UBE4A: variants seen among roughly 807,000 people sequenced by gnomAD.
UBE4A encodes the protein ubiquitination factor E4A.
A neutral mutation model predicts 117.9 loss-of-function variants in UBE4A; 48 were observed. The ratio of observed to expected loss-of-function variants is 0.41; its 90% CI spans 0.32 to 0.52. UBE4A has a LOEUF of 0.52. Ranked by LOEUF, UBE4A falls within the 20% of genes least tolerant of loss-of-function variation. The pLI is 0.33. For missense variants in UBE4A, 1,067 were observed against 1,296.3 expected, an observed-to-expected ratio of 0.82 and a Z score of 2.72; for synonymous variants, 407 against 450.0, an observed-to-expected ratio of 0.90 and a Z score of 1.21.
At chr11:118,392,641 T>A (rs1302857190) in intron 18 of UBE4A, 97 bp from the exon 19 acceptor site, 32 of 1,260,460 alleles carry the variant, frequency 2.5e-5, no homozygotes, top group Non-Finnish European at 3.4e-5. Context: ...AATGACCTGT[T>A]TTTTTATTTT....
intron 16 of UBE4A, among the ~76,000 whole-genome samples, chr11:118,387,147 C>T (rs1009730495): frequency 6.6e-6 from 1 of 152,156 alleles, no homozygotes; most frequent in Non-Finnish European, 1.5e-5. Flanking sequence ...CTGAAATTAT[C>T]ATTTTTAATG....
At chr11:118,369,600 C>T in intron 4 of UBE4A, 65 bp downstream of exon 4, 1 of 1,098,168 alleles carries the variant, frequency 9.1e-7, no homozygotes, top group Non-Finnish European at 1.4e-6. Flanking sequence ...GAATTCTGCT[C>T]ACTGTTCTCC....
intron 9 of UBE4A, 50 bp downstream of exon 9, chr11:118,375,279 G>T (rs573784983): frequency 1.4e-6 from 2 of 1,449,940 alleles, no homozygotes; most frequent in African/African-American, 1.4e-5. Context: ...TGTGTGTAAC[G>T]TGTAAAGCAT....
intron 1 of UBE4A, among the ~76,000 whole-genome samples, chr11:118,361,737 C>T (rs1054058054): frequency 1.1e-4 from 17 of 152,160 alleles, no homozygotes; most frequent in African/African-American, 3.9e-4. Context: ...CTTGACCTTC[C>T]ACTGCAACCT....
Position 118,386,548 on chromosome 11 carries a change from G to C in UBE4A, c.2523G>C (p.Gln841His). The change falls in exon 16 of 20, where the codon CAG (glutamine) becomes CAC (histidine). Residue 841 changes from glutamine to histidine, a missense_variant. This residue lies in a region of UBE4A where 1,001 missense variants were observed against 1,184.0 expected (regional missense o/e 0.85). Transcript: ENST00000252108. ...AGGCTGGCCTACAGATGTTTGGACA[G>C]CTGGCACGTTTCCATAACATCATGT... ...EKEAGLQMFG[Q>H]LARFHNIMSN... 6.2e-7 allele frequency: 1 copy of C among 1,604,748 alleles called. No individual in the cohort carries two copies. Among genetic ancestry groups the C allele is most frequent in the Non-Finnish European group, 8.5e-7 (1 of 1,176,824 alleles).
At chr11:118,387,295 C>A (rs1244001278) in intron 16 of UBE4A, among the ~76,000 whole-genome samples, 4 of 151,952 alleles carry the variant, frequency 2.6e-5, no homozygotes, top group African/African-American at 9.7e-5. Context: ...AGAGAAGATA[C>A]AGCAGCCACA....
At position 118,382,683 on chromosome 11, in the gene UBE4A, G is replaced by T. The variant is rs782042474; in HGVS notation, c.2104G>T (p.Val702Leu). The stretch of plus-strand genomic sequence containing the variant: ...GACCCCAAATCCCTTGGTATCCAGT[G>T]TGTTCCACCGGAAACGTGTGTTCTG... ...DQTPNPLVSSVFHRKRVFCNF... is the reference protein window; with the variant it reads ...DQTPNPLVSSLFHRKRVFCNF... Residue 702 changes from valine (V) to leucine (L), a missense_variant, in exon 13 of 20, where the codon GTG becomes TTG. By Grantham distance (32) the Val-to-Leu change is conservative (BLOSUM62 1). Coordinates refer to ENST00000252108, the MANE Select transcript of UBE4A (RefSeq NM_001204077.2). 6.2e-7 allele frequency: 1 copy of T among 1,605,844 alleles called. No individual in the cohort carries two copies. The highest frequency in any genetic ancestry group is 8.5e-7 in the Non-Finnish European group (1 of 1,175,700).
chr11:118,378,168 A>G (rs1332028621), intron 10 of UBE4A, among the ~76,000 whole-genome samples: 1 of 148,004 alleles, frequency 6.8e-6, no homozygotes, highest in African/African-American at 2.5e-5. Context: ...AATCGCTTGA[A>G]CCTGGGAGGC....
At position 118,376,616 on chromosome 11, in the gene UBE4A, C is replaced by T. The variant is rs371914326; in HGVS notation, c.1493C>T (p.Pro498Leu). 11 of 1,613,372 alleles carry T rather than the reference C, an allele frequency of 6.8e-6. No homozygotes were observed. The highest frequency in any genetic ancestry group is 6.8e-6 in the Non-Finnish European group (8 of 1,179,898). ...ETCLIPAVQEPKFPQNYNLVT... is the reference protein window; with the variant it reads ...ETCLIPAVQELKFPQNYNLVT... ...TGTTTGATCCCAGCTGTGCAGGAGC[C>T]GAAGTTTCCACAGAACTACAACCTT... The change falls in exon 10 of 20, where the codon CCG becomes CTG. Residue 498 changes from proline to leucine, a missense_variant. Physicochemically the swap from Pro to Leu is moderately conservative, Grantham distance 98 (BLOSUM62 -3). This residue lies in a region of UBE4A where 1,001 missense variants were observed against 1,184.0 expected (regional missense o/e 0.85). Coordinates refer to ENST00000252108, the MANE Select transcript of UBE4A (RefSeq NM_001204077.2).
rs188040570 is a variant in UBE4A at position 118,360,400 on chromosome 11, T to C, written c.-42+726T>C. Among the ~76,000 whole-genome samples, 360 of 152,302 alleles carry C rather than the reference T, an allele frequency of 2.4e-3. 2 individuals are homozygous for C. In the Middle Eastern group the frequency reaches 0.024, roughly 10 times the overall value. ...AAGGACTGCTGTCTGCTTTTTGACT[T>C]GAGATCCTTCTAGGCTGCAGATAGA... On this transcript the variant is annotated intron_variant, in intron 1 of 19. Transcript: ENST00000252108.
At position 118,363,375 on chromosome 11, in the gene UBE4A, C is replaced by T. The variant is rs551115369; in HGVS notation, c.-41-1665C>T. On this transcript the variant is annotated intron_variant, in intron 1 of 19. Coordinates refer to ENST00000252108, the MANE Select transcript of UBE4A (RefSeq NM_001204077.2). The stretch of plus-strand genomic sequence containing the variant: ...TGGCCAACATGGTGATACCCCGTCT[C>T]TACTAAAAATCCAAATAACAGTTCA... Among the ~76,000 whole-genome samples, 8 of 152,104 alleles carry T rather than the reference C, an allele frequency of 5.3e-5. 1 individual carries two copies. In the South Asian group the frequency reaches 1.7e-3, roughly 31 times the overall value.
intron 1 of UBE4A, among the ~76,000 whole-genome samples, chr11:118,363,307 C>T (rs576659908): frequency 3.9e-5 from 6 of 152,060 alleles, no homozygotes; most frequent in Non-Finnish European, 7.4e-5. Flanking sequence ...TTTGGGAGGC[C>T]GCGGTGGGAG....
At chr11:118,378,034 T>C (rs1555125683) in intron 10 of UBE4A, among the ~76,000 whole-genome samples, 2 of 151,810 alleles carry the variant, frequency 1.3e-5, no homozygotes, top group African/African-American at 4.8e-5. Flanking sequence ...GATCACAAGG[T>C]CAGGAGATCA....
At chr11:118,382,819 A>T in intron 13 of UBE4A, 43 bp downstream of exon 13, 1 of 1,462,200 alleles carries the variant, frequency 6.8e-7, no homozygotes, top group Non-Finnish European at 9.2e-7. Flanking sequence ...GGAAGCTGAT[A>T]CCAGTGGAGT....
rs1442596021 is a variant in UBE4A, at chr11:118,381,516, A to G, written c.2002A>G (p.Ile668Val). 21 of 1,613,914 alleles carry G rather than the reference A, an allele frequency of 1.3e-5. No individual in the cohort carries two copies. Among genetic ancestry groups the G allele is most frequent in the Middle Eastern group, 1.6e-4 (1 of 6,082 alleles). ...CTTTATCACCATTTTCACTGGAAGC[A>G]TAGAAAGGTGAAGTGCTGAAAGCTT... ...LHFITIFTGS[I>V]ERMKNPHLRA... is the part of the protein sequence containing the mutation. Residue 668 changes from isoleucine (I) to valine (V), a missense_variant, in exon 12 of 20, where the codon ATA becomes GTA. Physicochemically the swap from Ile to Val is conservative, Grantham distance 29. Transcript: ENST00000252108.
Position 118,386,561 on chromosome 11 carries a change from C to T in UBE4A, c.2536C>T (p.His846Tyr). 6.2e-7 allele frequency: 1 copy of T among 1,600,890 alleles called. No individual in the cohort carries two copies. Among genetic ancestry groups the T allele is most frequent in the Non-Finnish European group, 8.5e-7 (1 of 1,175,490 alleles). ...LQMFGQLARF[H>Y]NIMSNETIGT... is the part of the protein sequence containing the mutation. Reference sequence around the variant, plus strand: ...GATGTTTGGACAGCTGGCACGTTTCCATAACATCATGTCCAATGAAACAAT... The same window carrying T: ...GATGTTTGGACAGCTGGCACGTTTCTATAACATCATGTCCAATGAAACAAT... Residue 846 changes from histidine to tyrosine, a missense_variant, in exon 16 of 20, where the codon CAT becomes TAT. By Grantham distance (83) the His-to-Tyr change is moderately conservative. Transcript: ENST00000252108.
chr11:118,392,924 AG>A, intron 19 of UBE4A, 29 bp downstream of exon 19: 4 of 1,608,482 alleles, frequency 2.5e-6, no homozygotes, highest in Non-Finnish European at 3.4e-6. Flanking sequence ...CAGACTCAAG[AG>A]CATATATATA....
In UBE4A at chr11:118,382,570, C is replaced by A. The variant is rs201362110; in HGVS notation, c.2010-19C>A. 149 of 1,513,168 alleles carry A rather than the reference C, an allele frequency of 9.8e-5. No individual in the cohort carries two copies. In the African/African-American group the frequency reaches 1.9e-3, roughly 20 times the overall value. 93.7% of individuals were successfully genotyped at this position (1,513,168 alleles called of 1,614,324 possible). On this transcript the variant is annotated intron_variant, in intron 12 of 19. Transcript: ENST00000252108. ...GAGTTAAGCTTATCTGCTCATCTTG[C>A]TTTTTGCCCATTTTGCAGAATGAAG...
intron 2 of UBE4A, 134 bp from the exon 3 acceptor site, chr11:118,368,495 GAT>G: frequency 1.0e-6 from 1 of 1,004,836 alleles, no homozygotes; most frequent in Non-Finnish European, 1.5e-6. Context: ...CCTGACTTGA[GAT>G]GTTCACTAAT....
Sources: gnomAD v4.1 joint callset for allele counts (sites outside exome capture counted in the v4.1 genomes callset) on GRCh38, gnomAD v4.1.1 for gene constraint, gnomAD v4.1.1 regional missense constraint, MANE v1.5 for transcripts, NCBI Gene and HGNC (gene_info 2026-07-23, HGNC 2026-07-21) for gene names.